MYH2: variants seen among roughly 807,000 people sequenced by gnomAD.
MYH2 encodes myosin-2.
MYH2 carries 139 observed loss-of-function variants against 228.1 expected under a neutral mutation model. That is an observed-to-expected ratio of 0.61 (90% CI 0.53 to 0.70). MYH2 has a LOEUF of 0.70. Ranked by LOEUF, MYH2 falls within the 30% of genes least tolerant of loss-of-function variation. The probability of loss-of-function intolerance (pLI) is 0.00; values close to 1 mark genes in which losing one functional copy is unlikely to be tolerated. For missense variants in MYH2, 1,809 were observed against 2,357.5 expected, an observed-to-expected ratio of 0.77 and a Z score of 4.82; for synonymous variants, 796 against 871.1, an observed-to-expected ratio of 0.91 and a Z score of 1.52.
intron 2 of MYH2, among the ~76,000 whole-genome samples, 166 bp from the exon 3 acceptor site, chr17:10,548,106 G>A (rs1380464200): frequency 6.6e-6 from 1 of 152,136 alleles, no homozygotes; most frequent in African/African-American, 2.4e-5. Context: ...GAACGAAAAT[G>A]CATCAGGTGG....
Position 10,543,735 on chromosome 17 carries a change from C to T in MYH2, c.717G>A (p.Val239=). 1.2e-6 allele frequency: 2 copies of T among 1,614,198 alleles called. No individual in the cohort carries two copies. Among genetic ancestry groups the T allele is most frequent in the South Asian group, 1.1e-5 (1 of 91,076 alleles). The change falls in exon 8 of 40, where the codon GTG becomes GTA. Residue 239 remains valine, a synonymous_variant. Transcript: ENST00000245503. ...LLEAFGNAKT[V]RNDNSSRFGK... Reference sequence around the variant, plus strand: ...CAAAGCGAGAGGAGTTGTCATTCCTCACGGTCTTGGCGTTGCCAAAGGCCT... The same window carrying T: ...CAAAGCGAGAGGAGTTGTCATTCCTTACGGTCTTGGCGTTGCCAAAGGCCT...
In MYH2 at chr17:10,523,116, A is replaced by C. The variant is rs746016363; in HGVS notation, c.5647T>G (p.Ser1883Ala). Residue 1883 changes from serine (S) to alanine (A), a missense_variant, in exon 39 of 40, where the codon TCT becomes GCT. Ser to Ala is a moderately conservative substitution (Grantham distance 99). This residue lies in a region of MYH2 where 278 missense variants were observed against 308.5 expected (regional missense o/e 0.90). Transcript: ENST00000245503. ...GCCTCCTCAGCTTGTCTCTTATAAG[A>C]TTTCACTTTTGCCTGAAGTTTATCT... ...LVDKLQAKVK[S>A]YKRQAEEAEE... 7.4e-6 allele frequency: 12 copies of C among 1,613,444 alleles called. No individual in the cohort carries two copies. The highest frequency in any genetic ancestry group is 1.0e-5 in the Non-Finnish European group (12 of 1,179,486).
Position 10,535,143 on chromosome 17 carries a change from C to T in MYH2, c.2110G>A (p.Val704Met). The change falls in exon 19 of 40, where the codon GTG becomes ATG. Residue 704 changes from valine to methionine, a missense_variant. This residue lies in a region of MYH2 where 276 missense variants were observed against 344.2 expected (regional missense o/e 0.80). Transcript: ENST00000245503. ...LVLHQLRCNG[V>M]LEGIRICRKG... Reference sequence around the variant, plus strand: ...CTACAGATGCGGATGCCTTCCAGCACACCGTTACACCTCAGCTGGTGGAGG... The same window carrying T: ...CTACAGATGCGGATGCCTTCCAGCATACCGTTACACCTCAGCTGGTGGAGG... 6.2e-7 allele frequency: 1 copy of T among 1,614,158 alleles called. No individual in the cohort carries two copies. Among genetic ancestry groups the T allele is most frequent in the South Asian group, 1.1e-5 (1 of 91,074 alleles).
At chr17:10,541,881 G>A (rs908818317) in intron 10 of MYH2, among the ~76,000 whole-genome samples, 2 of 152,172 alleles carry the variant, frequency 1.3e-5, no homozygotes, top group Non-Finnish European at 2.9e-5. Context: ...ATGATGCTTT[G>A]TTGATGACTG....
chr17:10,522,132 G>GA (rs1333315688), intron 39 of MYH2, among the ~76,000 whole-genome samples: 4 of 152,158 alleles, frequency 2.6e-5, no homozygotes, highest in African/African-American at 9.7e-5. Context: ...AAATGAACTG[G>GA]ACAGCTTTCT....
Position 10,529,910 on chromosome 17 carries a change from T to C in MYH2, c.2862A>G (p.Ser954=). ...GGTCATCAATGTCTTTCTTGAGTTCTGAACATTCATCCTCCAGTTTCCTCT... is the reference window on the plus strand; with the variant it reads ...GGTCATCAATGTCTTTCTTGAGTTCCGAACATTCATCCTCCAGTTTCCTCT... The part of the protein sequence containing the change: ...AKKRKLEDEC[S]ELKKDIDDLE... Residue 954 remains serine (S), a synonymous_variant, in exon 23 of 40, where the codon TCA becomes TCG. Transcript: ENST00000245503. 1.2e-6 allele frequency: 2 copies of C among 1,612,948 alleles called. No individual in the cohort carries two copies. Among genetic ancestry groups the C allele is most frequent in the Non-Finnish European group, 1.7e-6 (2 of 1,178,992 alleles).
At chr17:10,532,986 T>C (rs565640939) in intron 21 of MYH2, among the ~76,000 whole-genome samples, 1 of 152,340 alleles carries the variant, frequency 6.6e-6, no homozygotes, top group East Asian at 1.9e-4. Flanking sequence ...ATCTGTCCAA[T>C]AAATTCATAT....
rs139585266 is a variant in MYH2, at chr17:10,531,699, C to T, written c.2631G>A (p.Lys877=). 401 of 1,614,062 alleles carry T rather than the reference C, an allele frequency of 2.5e-4. No individual in the cohort carries two copies. Among genetic ancestry groups the T allele is most frequent in the Non-Finnish European group, 3.2e-4 (376 of 1,180,040 alleles). Residue 877 remains lysine (K), a synonymous_variant, in exon 22 of 40, where the codon AAG becomes AAA. Coordinates refer to ENST00000245503, the MANE Select transcript of MYH2 (RefSeq NM_017534.6). ...GCGTCACCATCTTTTCTTCCAGTTC[C>T]TTCCTTTTTGCCTCTGACTTGGCAA... The part of the protein sequence containing the change: ...DELAKSEAKR[K]ELEEKMVTLL...
intron 10 of MYH2, 145 bp from the exon 11 acceptor site, chr17:10,540,842 A>T: frequency 3.0e-6 from 2 of 656,724 alleles, no homozygotes; most frequent in East Asian, 5.5e-5. Context: ...TGGTGGAAGA[A>T]CATAAGTTGT....
intron 2 of MYH2, among the ~76,000 whole-genome samples, 161 bp downstream of exon 2, chr17:10,549,214 G>T (rs2073671450): frequency 6.6e-6 from 1 of 152,174 alleles, no homozygotes; most frequent in Admixed American, 6.6e-5. Context: ...TGTGTGCATT[G>T]TCCTGAAAGG....
In MYH2 at chr17:10,523,411, A is replaced by C; in HGVS notation, c.5474T>G (p.Val1825Gly). 2 of 1,614,148 alleles carry C rather than the reference A, an allele frequency of 1.2e-6. No homozygotes were observed. The highest frequency in any genetic ancestry group is 2.2e-5 in the South Asian group (2 of 91,088). ...CTCAACCTCTCCTTCCAGCTCCCGTACCTGCAAATAAGTAGGCTCTTAAGA... is the reference window on the plus strand; with the variant it reads ...CTCAACCTCTCCTTCCAGCTCCCGTCCCTGCAAATAAGTAGGCTCTTAAGA... ...KKQIQKLEAR[V>G]RELEGEVESE... Residue 1825 changes from valine (V) to glycine (G), a missense_variant and splice_region_variant, in exon 38 of 40, where the codon GTA becomes GGA. Val to Gly is a moderately radical substitution (Grantham distance 109). This residue lies in a region of MYH2 where 278 missense variants were observed against 308.5 expected (regional missense o/e 0.90). Coordinates refer to ENST00000245503, the MANE Select transcript of MYH2 (RefSeq NM_017534.6).
At position 10,523,111 on chromosome 17, in the gene MYH2, A is replaced by G. The variant is rs2142289887; in HGVS notation, c.5652T>C (p.Tyr1884=). The stretch of plus-strand genomic sequence containing the variant: ...TTACAGCCTCCTCAGCTTGTCTCTT[A>G]TAAGATTTCACTTTTGCCTGAAGTT... ...VDKLQAKVKS[Y]KRQAEEAEEQ... The change falls in exon 39 of 40, where the codon TAT becomes TAC. Residue 1884 remains tyrosine, a synonymous_variant. Transcript: ENST00000245503. 3.1e-6 allele frequency: 5 copies of G among 1,613,040 alleles called. No homozygotes were observed. Among genetic ancestry groups the G allele is most frequent in the Non-Finnish European group, 4.2e-6 (5 of 1,178,970 alleles).
chr17:10,529,842 G>A lies in MYH2; in HGVS notation c.2930C>T (p.Thr977Ile), dbSNP rs2073403610. Residue 977 changes from threonine to isoleucine, a missense_variant, in exon 23 of 40, where the codon ACA becomes ATA. By Grantham distance (89) the Thr-to-Ile change is moderately conservative. Around this residue, in one of 9 missense-constraint regions of MYH2, gnomAD observed 43 missense variants for 89.2 expected, o/e 0.48. Coordinates refer to ENST00000245503, the MANE Select transcript of MYH2 (RefSeq NM_017534.6). Reference sequence around the variant, plus strand: ...GAATATGATTGATACCTTGTTTTCTGTGGCATGTTTCTCCTTCTCAACCTT... The same window carrying A: ...GAATATGATTGATACCTTGTTTTCTATGGCATGTTTCTCCTTCTCAACCTT... ...LAKVEKEKHA[T>I]ENKVKNLTEE... is the part of the protein sequence containing the mutation. 1 of 1,613,896 alleles carries A rather than the reference G, an allele frequency of 6.2e-7. No homozygotes were observed. The highest frequency in any genetic ancestry group is 8.5e-7 in the Non-Finnish European group (1 of 1,179,986).
intron 30 of MYH2, 76 bp downstream of exon 30, chr17:10,526,523 T>C: frequency 2.5e-6 from 4 of 1,598,970 alleles, no homozygotes; most frequent in Non-Finnish European, 3.4e-6. Context: ...ACTAATTCAC[T>C]GAATCTTCAA....
In MYH2 at chr17:10,531,813, G is replaced by A. The variant is rs1489105001; in HGVS notation, c.2517C>T (p.Phe839=). Residue 839 remains phenylalanine (F), a synonymous_variant, in exon 22 of 40, where the codon TTC becomes TTT. Transcript: ENST00000245503. ...TCTTCAACAGAGGCTTGATCTTGAA[G>A]AAGAGTTTCATCCAGGGCCAGTGCT... is the stretch of plus-strand genomic sequence containing the variant. ...NVKHWPWMKL[F]FKIKPLLKSA... 6.8e-6 allele frequency: 11 copies of A among 1,614,038 alleles called. No homozygotes were observed. Among genetic ancestry groups the A allele is most frequent in the Non-Finnish European group, 8.5e-6 (10 of 1,180,028 alleles).
chr17:10,531,047 A>G (rs2073418178), intron 22 of MYH2, among the ~76,000 whole-genome samples: 1 of 152,220 alleles, frequency 6.6e-6, no homozygotes, highest in South Asian at 2.1e-4. Context: ...TGGATGGAAG[A>G]AGAGACAATT....
chr17:10,531,507 G>A (rs957332221), intron 22 of MYH2, 126 bp downstream of exon 22: 88 of 1,325,428 alleles, frequency 6.6e-5, no homozygotes, highest in Non-Finnish European at 9.4e-5. Context: ...CGTGCCATTG[G>A]AGTGTTTTAA....
rs2142311074 is a variant in MYH2 at position 10,537,679 on chromosome 17, C to T, written c.1573G>A (p.Glu525Lys). The change falls in exon 15 of 40, where the codon GAG (glutamate) becomes AAG (lysine). Residue 525 changes from glutamate (E) to lysine (K), a missense_variant. By Grantham distance (56) the Glu-to-Lys change is moderately conservative. This residue lies in a region of MYH2 where 373 missense variants were observed against 620.4 expected (regional missense o/e 0.60). Transcript: ENST00000245503. The surrounding 1 kb of genome is among the most constrained non-coding windows in gnomAD (Gnocchi z 4.0). ...GCAAAACCAACCTTCTCGATGAGCT[C>T]GATGCAGGCAGCCAGGTCCATCCCG... ...DFGMDLAACI[E>K]LIEKPMGIFS... 7 of 1,614,090 alleles carry T rather than the reference C, an allele frequency of 4.3e-6. No individual in the cohort carries two copies. Among genetic ancestry groups the T allele is most frequent in the South Asian group, 3.3e-5 (3 of 91,080 alleles).
chr17:10,538,749 G>A (rs2076527682), intron 14 of MYH2, among the ~76,000 whole-genome samples: 1 of 151,252 alleles, frequency 6.6e-6, no homozygotes, highest in East Asian at 1.9e-4. Flanking sequence ...AATGCCCTAA[G>A]TTTTGCTTGT....
Sources: gnomAD v4.1 joint callset for allele counts (sites outside exome capture counted in the v4.1 genomes callset) on GRCh38, gnomAD v4.1.1 for gene constraint, gnomAD v4.1.1 regional missense constraint, Gnocchi (gnomAD v3.1) non-coding constraint, MANE v1.5 for transcripts, NCBI Gene and HGNC (gene_info 2026-07-23, HGNC 2026-07-21) for gene names.